Variants in ARMH3 observed in about 807,000 individuals in gnomAD.
ARMH3 encodes armadillo-like helical domain-containing protein 3.
In ARMH3, 60 loss-of-function variants were observed where a neutral mutation model predicts 99.1. That is an observed-to-expected ratio of 0.61 (90% CI 0.49 to 0.75). The LOEUF is 0.75. Ranked by LOEUF, ARMH3 falls within the 30% of genes least tolerant of loss-of-function variation. The pLI is 0.00. For missense variants in ARMH3, 679 were observed against 843.1 expected (o/e 0.81, Z 2.41); for synonymous variants, 285 against 292.8 (o/e 0.97, Z 0.27).
chr10:101,998,222 A>G (rs372997268), intron 15 of ARMH3, among the ~76,000 whole-genome samples: 11 of 152,322 alleles, frequency 7.2e-5, no homozygotes, highest in South Asian at 6.2e-4. Context: ...TTTCTAGGTC[A>G]CATCCATGCA....
At chr10:101,972,502 T>G (rs1047271963) in intron 20 of ARMH3, among the ~76,000 whole-genome samples, 1 of 152,160 alleles carries the variant, frequency 6.6e-6, no homozygotes, top group Non-Finnish European at 1.5e-5. Context: ...CTCAAATCCA[T>G]AAGTCTAGAA....
chr10:101,938,692 A>G (rs1196747418), intron 23 of ARMH3, among the ~76,000 whole-genome samples: 1 of 152,234 alleles, frequency 6.6e-6, no homozygotes, highest in East Asian at 1.9e-4. Flanking sequence ...GCAGTTTGTA[A>G]TTCCTGATTC....
chr10:101,998,563 G>A (rs767291489), intron 15 of ARMH3, among the ~76,000 whole-genome samples: 25 of 152,220 alleles, frequency 1.6e-4, no homozygotes, highest in Non-Finnish European at 2.8e-4. Context: ...ATATGTCTGA[G>A]TGTAACATAT....
intron 24 of ARMH3, among the ~76,000 whole-genome samples, chr10:101,870,462 T>C (rs1004888880): frequency 1.3e-5 from 2 of 152,202 alleles, no homozygotes; most frequent in African/African-American, 4.8e-5. Context: ...TCCTATGGGT[T>C]ATACATGTGA....
chr10:101,880,462 C>T lies in ARMH3; in HGVS notation c.1860+8950G>A, dbSNP rs141784561. Among the ~76,000 whole-genome samples the T allele has an allele frequency of 2.2e-3, 328 of 152,336 alleles. 1 individual carries two copies. The highest frequency in any genetic ancestry group is 7.6e-3 in the African/African-American group (314 of 41,568). ...ACCCCGCCACACAGCTTTACAGCCC[C>T]CTTCTTACAGTCTTCCTCAACAACC... On this transcript the variant is annotated intron_variant, in intron 24 of 25. Coordinates refer to ENST00000370033, the MANE Select transcript of ARMH3 (RefSeq NM_024541.3).
chr10:102,028,335 G>A (rs1276659098), intron 5 of ARMH3, among the ~76,000 whole-genome samples: 3 of 152,064 alleles, frequency 2.0e-5, no homozygotes, highest in Non-Finnish European at 2.9e-5. Context: ...GATCACCTGA[G>A]GCCAGGAGTT....
chr10:101,859,777 A>G (rs1261922685), intron 24 of ARMH3, among the ~76,000 whole-genome samples: 1 of 152,220 alleles, frequency 6.6e-6, no homozygotes, highest in Non-Finnish European at 1.5e-5. Context: ...TAGCAACCAA[A>G]AGAGTTGTAT....
chr10:101,975,223 T>C lies in ARMH3; in HGVS notation c.1484A>G (p.Glu495Gly). ...AGAGAGAAAGTTACCTGACCAGAGC[T>C]CCCGCCAGGTGTAATGCAGGCGTAC... ...CRVRLHYTWR[E>G]LWSALINLLK... Residue 495 changes from glutamate to glycine, a missense_variant, in exon 20 of 26, where the codon GAG becomes GGG. Coordinates refer to ENST00000370033, the MANE Select transcript of ARMH3 (RefSeq NM_024541.3). 1 of 1,611,994 alleles carries C rather than the reference T, an allele frequency of 6.2e-7. No homozygotes were observed. Among genetic ancestry groups the C allele is most frequent in the Non-Finnish European group, 8.5e-7 (1 of 1,178,738 alleles).
chr10:101,926,262 A>G (rs1843504618), intron 23 of ARMH3, among the ~76,000 whole-genome samples: 1 of 152,184 alleles, frequency 6.6e-6, no homozygotes, highest in Non-Finnish European at 1.5e-5. Context: ...ATCATAACTC[A>G]CTGCAGCCTC....
intron 20 of ARMH3, among the ~76,000 whole-genome samples, chr10:101,960,905 A>G (rs1019573244): frequency 2.0e-5 from 3 of 151,880 alleles, no homozygotes; most frequent in African/African-American, 7.3e-5. Flanking sequence ...AAAAAAAAAA[A>G]AAAGAAGATT....
chr10:101,866,716 T>G (rs2067013303), intron 24 of ARMH3, among the ~76,000 whole-genome samples: 1 of 151,996 alleles, frequency 6.6e-6, no homozygotes, highest in Admixed American at 6.6e-5. Flanking sequence ...AACAGGAAGG[T>G]GAAGAATTTA....
intron 2 of ARMH3, among the ~76,000 whole-genome samples, chr10:102,035,636 C>T (rs1479907897): frequency 6.6e-6 from 1 of 152,240 alleles, no homozygotes; most frequent in Non-Finnish European, 1.5e-5. Flanking sequence ...CAGCTCCTAA[C>T]CGCGAGTGAT....
At chr10:101,946,104 G>C (rs1251640144) in intron 22 of ARMH3, among the ~76,000 whole-genome samples, 1 of 60,238 alleles carries the variant, frequency 1.7e-5, no homozygotes, top group Non-Finnish European at 3.0e-5. Flanking sequence ...AAAAAAAAAA[G>C]TCCAGGAGGT....
At chr10:101,881,181 C>T (rs1347288557) in intron 24 of ARMH3, among the ~76,000 whole-genome samples, 1 of 152,156 alleles carries the variant, frequency 6.6e-6, no homozygotes, top group African/African-American at 2.4e-5. Context: ...AAATCCAAAG[C>T]CCTAGTTAGA....
chr10:101,927,171 G>A (rs1843540699), intron 23 of ARMH3, among the ~76,000 whole-genome samples: 2 of 152,142 alleles, frequency 1.3e-5, no homozygotes, highest in African/African-American at 4.8e-5. Context: ...GCTCACTTCA[G>A]ACACCCATAA....
chr10:101,894,474 AG>A (rs1589978386), intron 23 of ARMH3, among the ~76,000 whole-genome samples: 2 of 152,312 alleles, frequency 1.3e-5, no homozygotes, highest in East Asian at 3.9e-4. Context: ...CTCCTTCCCC[AG>A]GAAGTCTGAC....
At chr10:101,922,189 A>G (rs1346635723) in intron 23 of ARMH3, among the ~76,000 whole-genome samples, 1 of 152,206 alleles carries the variant, frequency 6.6e-6, no homozygotes, top group Non-Finnish European at 1.5e-5. Flanking sequence ...ATATATCAAT[A>G]TCTCAATTAA....
intron 22 of ARMH3, among the ~76,000 whole-genome samples, chr10:101,948,204 C>T (rs183033567): frequency 7.9e-5 from 12 of 152,192 alleles, no homozygotes; most frequent in African/African-American, 2.4e-4. Flanking sequence ...ACAAGACAGA[C>T]ACTTTAAATA....
chr10:101,986,229 C>T (rs1564822605), intron 19 of ARMH3, among the ~76,000 whole-genome samples: 2 of 152,094 alleles, frequency 1.3e-5, no homozygotes, highest in African/African-American at 4.8e-5. Flanking sequence ...TCTTCTGATG[C>T]CTACCTACAG....
Sources: allele counts gnomAD v4.1 joint callset (sites outside exome capture counted in the v4.1 genomes callset), GRCh38; gene constraint gnomAD v4.1.1; transcripts MANE v1.5; gene names NCBI Gene and HGNC (gene_info 2026-07-23, HGNC 2026-07-21).